Variants in VPS35L observed in about 807,000 individuals in gnomAD.
VPS35L encodes the protein VPS35 endosomal protein sorting factor like.
Under a neutral mutation model 133.0 loss-of-function variants are expected in VPS35L, and 83 were observed. The ratio of observed to expected loss-of-function variants is 0.62; its 90% CI spans 0.52 to 0.75. VPS35L has a LOEUF of 0.75. VPS35L is among the 30% of genes least tolerant of loss of function. The probability of loss-of-function intolerance (pLI) is 0.00; values close to 1 mark genes in which losing one functional copy is unlikely to be tolerated. For synonymous variants in VPS35L, 423 were observed against 449.9 expected (o/e 0.94, Z 0.76); for missense variants, 1,083 against 1,206.8 (o/e 0.90, Z 1.52).
At chr16:19,608,934 CCTT>C (rs1335307325) in intron 10 of VPS35L, 37 bp from the exon 11 acceptor site, 3 of 1,589,620 alleles carry the variant, frequency 1.9e-6, no homozygotes, top group Admixed American at 1.7e-5. Context: ...AGGGAGTAGA[CCTT>C]CTGGAAAACA....
chr16:19,598,066 G>C (rs1331449307), intron 8 of VPS35L, among the ~76,000 whole-genome samples: 1 of 152,140 alleles, frequency 6.6e-6, no homozygotes, highest in African/African-American at 2.4e-5. Flanking sequence ...GAGGCATTGG[G>C]TACAGAGGTG....
intron 26 of VPS35L, among the ~76,000 whole-genome samples, chr16:19,660,596 TG>T (rs1790852069): frequency 1.3e-5 from 2 of 152,198 alleles, no homozygotes; most frequent in Non-Finnish European, 2.9e-5. Context: ...GAAGGTGGGA[TG>T]GGTTATCACT....
At chr16:19,678,978 G>A (rs180943040) in intron 27 of VPS35L, among the ~76,000 whole-genome samples, 6 of 152,218 alleles carry the variant, frequency 3.9e-5, no homozygotes, top group Admixed American at 2.6e-4. Context: ...TGCATGGTCT[G>A]TCACAAGACT....
At chr16:19,623,359 G>A (rs1008363475) in intron 14 of VPS35L, among the ~76,000 whole-genome samples, 18 of 152,144 alleles carry the variant, frequency 1.2e-4, no homozygotes, top group African/African-American at 4.3e-4. Context: ...GTTCTCACAT[G>A]GCTTTTCCTC....
chr16:19,668,990 A>G (rs1974785315), intron 26 of VPS35L, among the ~76,000 whole-genome samples, 170 bp from the exon 27 acceptor site: 1 of 152,196 alleles, frequency 6.6e-6, no homozygotes, highest in Non-Finnish European at 1.5e-5. Flanking sequence ...TGTCAAGCAA[A>G]TATTCCTCCA....
chr16:19,656,079 ATG>A (rs1974287513), intron 26 of VPS35L, among the ~76,000 whole-genome samples: 1 of 151,976 alleles, frequency 6.6e-6, no homozygotes, highest in Non-Finnish European at 1.5e-5. Flanking sequence ...CCTGGCCAAC[ATG>A]GTGAAACCCC....
intron 29 of VPS35L, among the ~76,000 whole-genome samples, chr16:19,695,071 G>T (rs890115851): frequency 6.6e-6 from 1 of 151,240 alleles, no homozygotes; most frequent in African/African-American, 2.4e-5. Flanking sequence ...CTCCCAAAGT[G>T]CTGCGGATTC....
At chr16:19,567,504 T>C (rs1485232733) in intron 2 of VPS35L, among the ~76,000 whole-genome samples, 1 of 152,028 alleles carries the variant, frequency 6.6e-6, no homozygotes, top group South Asian at 2.1e-4. Flanking sequence ...ATTGGGGTAT[T>C]AAGTATTAAG....
chr16:19,635,317 C>G (rs935780885), intron 19 of VPS35L, among the ~76,000 whole-genome samples: 2 of 152,016 alleles, frequency 1.3e-5, no homozygotes, highest in East Asian at 3.8e-4. Flanking sequence ...CACTGCACTC[C>G]AACCTCAGTG....
At position 19,603,802 on chromosome 16, in the gene VPS35L, G is replaced by T. The variant is rs530358187; in HGVS notation, c.784+2079G>T. On this transcript the variant is annotated intron_variant, in intron 9 of 30. Transcript: ENST00000417362. ...GCTGGAGGGCAATGACGCAATCTCA[G>T]CTCACTGCAACCTCCGCCTCCTGGG... Among the ~76,000 whole-genome samples, 4 of 152,340 alleles carry T rather than the reference G, an allele frequency of 2.6e-5. No homozygotes were observed. In the South Asian group the frequency reaches 6.2e-4, roughly 24 times the overall value.
intron 7 of VPS35L, among the ~76,000 whole-genome samples, chr16:19,585,904 T>C (rs1971848934): frequency 6.6e-6 from 1 of 152,136 alleles, no homozygotes; most frequent in South Asian, 2.1e-4. Context: ...GTAACAATTT[T>C]TTTTTCCTTG....
intron 5 of VPS35L, among the ~76,000 whole-genome samples, chr16:19,576,414 GAC>G (rs1971539620): frequency 6.6e-6 from 1 of 152,114 alleles, no homozygotes; most frequent in Non-Finnish European, 1.5e-5. Flanking sequence ...CCTCTCCTAA[GAC>G]ACACAGTCAG....
chr16:19,633,455 G>A lies in VPS35L; in HGVS notation c.1635+283G>A, dbSNP rs539116713. Among the ~76,000 whole-genome samples, 8 of 152,180 alleles carry A rather than the reference G, an allele frequency of 5.3e-5. No homozygotes were observed. The highest frequency in any genetic ancestry group is 1.2e-4 in the African/African-American group (5 of 41,456). The stretch of plus-strand genomic sequence containing the variant: ...CTGGCACGTGGTAAATGCTCAATAA[G>A]CGTTGTCTTCATTGTTGTCACCAGT... On this transcript the variant is annotated intron_variant, in intron 19 of 30. Coordinates refer to ENST00000417362, the MANE Select transcript of VPS35L (RefSeq NM_020314.7). The surrounding 1 kb of genome is among the most constrained non-coding windows in gnomAD (Gnocchi z 4.1).
In VPS35L at chr16:19,639,606, C is replaced by T. The variant is rs1973723988; in HGVS notation, c.1699-409C>T. ...GCAGTGGAGTGATCTCGGTTCACTG[C>T]AACTTCCGCCTTCCCGAGTTCAAGC... On this transcript the variant is annotated intron_variant, in intron 20 of 30. Coordinates refer to ENST00000417362, the MANE Select transcript of VPS35L (RefSeq NM_020314.7). The surrounding 1 kb of genome is among the most constrained non-coding windows in gnomAD (Gnocchi z 4.1). Among the ~76,000 whole-genome samples, 1 of 152,212 alleles carries T rather than the reference C, an allele frequency of 6.6e-6. No homozygotes were observed. The highest frequency in any genetic ancestry group is 2.4e-5 in the African/African-American group (1 of 41,448).
intron 16 of VPS35L, 74 bp downstream of exon 16, chr16:19,627,879 G>A (rs771580609): frequency 2.3e-5 from 29 of 1,246,202 alleles, no homozygotes; most frequent in Admixed American, 5.1e-5. Context: ...GAGACAGTCC[G>A]GTTTTGGGAA....
intron 26 of VPS35L, among the ~76,000 whole-genome samples, chr16:19,653,276 G>A (rs1231187155): frequency 6.6e-6 from 1 of 152,150 alleles, no homozygotes; most frequent in East Asian, 1.9e-4. Context: ...GTACGCCAAG[G>A]GCCTGCAGGC....
intron 27 of VPS35L, among the ~76,000 whole-genome samples, chr16:19,678,625 G>A (rs1407796272): frequency 2.0e-5 from 3 of 151,800 alleles, no homozygotes; most frequent in African/African-American, 7.3e-5. Flanking sequence ...CTACAGGCAC[G>A]TGCCACCATG....
At chr16:19,608,053 T>C in intron 9 of VPS35L, 125 bp from the exon 10 acceptor site, 1 of 689,638 alleles carries the variant, frequency 1.5e-6, no homozygotes, top group Non-Finnish European at 2.6e-6. Flanking sequence ...AATAGTGATA[T>C]TTGGAAGGAA....
chr16:19,670,014 G>A (rs1443007642), intron 27 of VPS35L, among the ~76,000 whole-genome samples: 1 of 151,970 alleles, frequency 6.6e-6, no homozygotes, highest in Non-Finnish European at 1.5e-5. Flanking sequence ...CACCCAGGCT[G>A]GAGTGCAGTG....
Sources: gnomAD v4.1 joint callset for allele counts (sites outside exome capture counted in the v4.1 genomes callset) on GRCh38, gnomAD v4.1.1 for gene constraint, Gnocchi (gnomAD v3.1) non-coding constraint, MANE v1.5 for transcripts, NCBI Gene and HGNC (gene_info 2026-07-23, HGNC 2026-07-21) for gene names.